JCAD: variants seen among roughly 807,000 people sequenced by gnomAD.
JCAD encodes the protein junctional cadherin 5 associated, also known as junctional cadherin 5-associated protein.
JCAD carries 40 observed loss-of-function variants against 98.0 expected under a neutral mutation model. The ratio of observed to expected loss-of-function variants is 0.41; its 90% confidence interval spans 0.32 to 0.53. The LOEUF (loss-of-function observed/expected upper bound fraction) is 0.53, where lower values mean the gene tolerates loss of function less well. Ranked by LOEUF, JCAD falls within the 20% of genes least tolerant of loss-of-function variation. The pLI is 0.31. For synonymous variants in JCAD, 691 were observed against 682.3 expected, an observed-to-expected ratio of 1.01 and a Z score of -0.20; for missense variants, 1,705 against 1,738.1, an observed-to-expected ratio of 0.98 and a Z score of 0.34.
rs1227511810 is a variant in JCAD, at chr10:30,065,261, C to T, written n.250+4439G>A. On this transcript the variant is annotated intron_variant and non_coding_transcript_variant, in intron 2 of 2. Transcript: ENST00000465712. ...GCTGGAAGAGAATACTTTGAATGTC[C>T]CTAGCATAAAGAAAAGATAAATATT... 2.6e-5 allele frequency among the ~76,000 whole-genome samples: 4 copies of T among 152,010 alleles called. No individual in the cohort carries two copies. The East Asian group carries it at 7.7e-4, about 29-fold the overall frequency.
intron 1 of JCAD, among the ~76,000 whole-genome samples, chr10:30,077,888 T>C (rs1393642927): frequency 6.6e-6 from 1 of 152,248 alleles, no homozygotes; most frequent in Admixed American, 6.5e-5. Context: ...CATAAGTATC[T>C]GTTTGAGTCA....
Position 30,043,267 on chromosome 10 carries a change from A to ATTTG in JCAD, c.281+4264_281+4265insCAAA, listed in dbSNP as rs1837277101. 2.0e-5 allele frequency among the ~76,000 whole-genome samples: 3 copies of ATTTG among 152,018 alleles called. No individual in the cohort carries two copies. In the South Asian group the frequency reaches 6.2e-4, roughly 32 times the overall value. On this transcript the variant is annotated intron_variant, in intron 2 of 3. Coordinates refer to ENST00000375377, the MANE Select transcript of JCAD (RefSeq NM_020848.4). ...TGCTCAAAAATCTCATCAAAGCTTCATGTTTGTGTTTTGTTTTTTTTAAAG... is the reference window on the plus strand; with the variant it reads ...TGCTCAAAAATCTCATCAAAGCTTCATTTGTGTTTGTGTTTTGTTTTTTTTAAAG...
At chr10:30,042,567 G>A (rs1324468712) in intron 2 of JCAD, among the ~76,000 whole-genome samples, 4 of 149,248 alleles carry the variant, frequency 2.7e-5, no homozygotes, top group African/African-American at 1.0e-4. Context: ...GTCAGGGAAG[G>A]GAAGAGGAGC....
rs528602291 is a variant in JCAD at position 30,029,807 on chromosome 10, G to A, written c.341C>T (p.Ala114Val). The part of the protein sequence containing the change: ...SSHPPTGNDQ[A>V]YRRRGRQEAR... ...TTCTTGCCGTCCTCTTCTCCGGTAG[G>A]CTTGGTCGTTACCAGTCGGGGGATG... The change falls in exon 3 of 4, where the codon GCC becomes GTC. Residue 114 changes from alanine (A) to valine (V), a missense_variant. Physicochemically the swap from Ala to Val is moderately conservative, Grantham distance 64. Transcript: ENST00000375377. 6.2e-7 allele frequency: 1 copy of A among 1,614,204 alleles called. No individual in the cohort carries two copies. The highest frequency in any genetic ancestry group is 1.1e-5 in the South Asian group (1 of 91,088).
upstream of JCAD, among the ~76,000 whole-genome samples, chr10:30,064,035 G>A (rs1481049800): frequency 6.6e-6 from 1 of 152,100 alleles, no homozygotes; most frequent in Non-Finnish European, 1.5e-5. Context: ...TCGAACTCCT[G>A]ACCTTGCGAT....
chr10:30,043,014 T>C lies in JCAD; in HGVS notation c.281+4518A>G, dbSNP rs1049131678. Among the ~76,000 whole-genome samples the C allele has an allele frequency of 1.1e-4, 16 of 152,196 alleles. No individual in the cohort carries two copies. In the East Asian group the frequency reaches 3.1e-3, roughly 29 times the overall value. ...ATGTAGCTTCAAAAAACAATTACTG[T>C]CTACTCATCAATTTAGATAAACTAT... is the stretch of plus-strand genomic sequence containing the variant. On this transcript the variant is annotated intron_variant, in intron 2 of 3. Coordinates refer to ENST00000375377, the MANE Select transcript of JCAD (RefSeq NM_020848.4).
rs762905747 is a variant in JCAD, at chr10:30,029,628, G to A, written c.520C>T (p.Arg174Ter). 4.3e-6 allele frequency: 7 copies of A among 1,614,038 alleles called. No homozygotes were observed. Among genetic ancestry groups the A allele is most frequent in the Non-Finnish European group, 5.9e-6 (7 of 1,180,028 alleles). ...TGCCACTTGGCAGGACCTGACATTC[G>A]CAATTCTTCTTCCCAAACTGGCTTC... ...MKKPVWEEEL[R>*]MSGPAKWQNV... is the part of the protein sequence containing the mutation. Residue 174 changes from arginine to a stop codon, truncating the protein, a stop_gained, in exon 3 of 4, where the codon CGA becomes TGA. Transcript: ENST00000375377. LOFTEE classifies it high-confidence loss of function.
At chr10:30,088,895 C>T (rs1252587736) in intron 1 of JCAD, among the ~76,000 whole-genome samples, 1 of 152,136 alleles carries the variant, frequency 6.6e-6, no homozygotes, top group Non-Finnish European at 1.5e-5. Context: ...ATCTCTTGAA[C>T]CCAGGAGTTG....
chr10:30,074,773 C>G (rs1837952966), intron 1 of JCAD, among the ~76,000 whole-genome samples: 1 of 152,028 alleles, frequency 6.6e-6, no homozygotes, highest in African/African-American at 2.4e-5. Context: ...CCTTTCCATC[C>G]CCCATATTAT....
At chr10:30,048,907 G>GA (rs1837412250) in intron 1 of JCAD, among the ~76,000 whole-genome samples, 1 of 152,040 alleles carries the variant, frequency 6.6e-6, no homozygotes, top group African/African-American at 2.4e-5. Context: ...CTTCCCAGTA[G>GA]ATCTTGGGGA....
At chr10:30,073,772 ACT>A (rs1295201424) in intron 1 of JCAD, among the ~76,000 whole-genome samples, 3 of 146,436 alleles carry the variant, frequency 2.0e-5, no homozygotes, top group Admixed American at 1.4e-4. Context: ...CCTGAATAGT[ACT>A]GCAAATCGTA....
intron 1 of JCAD, among the ~76,000 whole-genome samples, chr10:30,070,066 G>A (rs899732810): frequency 1.3e-5 from 2 of 152,112 alleles, no homozygotes; most frequent in Non-Finnish European, 2.9e-5. Context: ...AACTTCTACA[G>A]CAAATCAATC....
chr10:30,054,732 A>G (rs1282221844), intron 1 of JCAD, among the ~76,000 whole-genome samples: 1 of 150,916 alleles, frequency 6.6e-6, no homozygotes, highest in Non-Finnish European at 1.5e-5. Context: ...GCAGTGGCGC[A>G]ATCTCGGCTC....
chr10:30,021,196 G>A (rs1312036454), intron 3 of JCAD, among the ~76,000 whole-genome samples: 1 of 152,116 alleles, frequency 6.6e-6, no homozygotes, highest in African/African-American at 2.4e-5. Flanking sequence ...TATAATGTGG[G>A]CCACAAAACA....
intron 2 of JCAD, among the ~76,000 whole-genome samples, chr10:30,036,862 C>T (rs1001420025): frequency 6.6e-6 from 1 of 152,384 alleles, no homozygotes; most frequent in Admixed American, 6.5e-5. Flanking sequence ...GTTCCCAGAT[C>T]TGCAGTCTAG....
intron 2 of JCAD, among the ~76,000 whole-genome samples, chr10:30,032,206 C>A (rs939718610): frequency 6.6e-6 from 1 of 152,136 alleles, no homozygotes; most frequent in African/African-American, 2.4e-5. Flanking sequence ...GTATCAAATG[C>A]AGGGTGTTGT....
upstream of JCAD, among the ~76,000 whole-genome samples, chr10:30,064,521 T>A (rs1837751906): frequency 6.6e-6 from 1 of 152,228 alleles, no homozygotes; most frequent in South Asian, 2.1e-4. Flanking sequence ...TTTCTTTGGG[T>A]TGAGAACATT....
intron 1 of JCAD, among the ~76,000 whole-genome samples, chr10:30,093,968 C>A: frequency 6.6e-6 from 1 of 152,142 alleles, no homozygotes; most frequent in East Asian, 1.9e-4. Flanking sequence ...GAGGTTGGGG[C>A]CTTCATGGGA....
chr10:30,047,586 G>A lies in JCAD; in HGVS notation c.227C>T (p.Pro76Leu), dbSNP rs771290990. Residue 76 changes from proline (P) to leucine (L), a missense_variant, in exon 2 of 4, where the codon CCG becomes CTG. Pro to Leu is a moderately conservative substitution (Grantham distance 98). Transcript: ENST00000375377. ...GCTCTGGGGCTCCCCGTGGCCTCTC[G>A]GTGTGCTGCGGCGGCTTTCGGAGTC... Reference protein sequence around the residue: ...VSDSESRRSTPRGHGEPQSTS... With the variant: ...VSDSESRRSTLRGHGEPQSTS... The A allele has an allele frequency of 1.1e-4, 177 of 1,613,994 alleles. 3 individuals are homozygous for A. The South Asian group carries it at 1.8e-3, about 16-fold the overall frequency.
Sources: gnomAD v4.1 joint callset for allele counts (sites outside exome capture counted in the v4.1 genomes callset) on GRCh38, gnomAD v4.1.1 for gene constraint, MANE v1.5 for transcripts, NCBI Gene and HGNC (gene_info 2026-07-23, HGNC 2026-07-21) for gene names.